Variants in ZMYM5 observed in about 807,000 individuals in gnomAD.
ZMYM5 encodes zinc finger MYM-type protein 5.
In ZMYM5, 41 loss-of-function variants were observed where a neutral mutation model predicts 61.8. The ratio of observed to expected loss-of-function variants is 0.66; its 90% CI spans 0.52 to 0.86. The LOEUF is 0.86. Among genes scored for constraint, ZMYM5 ranks in the 40% least tolerant of loss-of-function variants. The pLI is 0.00. For missense variants in ZMYM5, 706 were observed against 786.7 expected, an observed-to-expected ratio of 0.90 and a Z score of 1.23; for synonymous variants, 257 against 276.4, an observed-to-expected ratio of 0.93 and a Z score of 0.70.
chr13:19,844,378 C>T (rs1362221246), intron 4 of ZMYM5, among the ~76,000 whole-genome samples: 1 of 152,206 alleles, frequency 6.6e-6, no homozygotes, highest in Non-Finnish European at 1.5e-5. Context: ...AAGTCTTTGA[C>T]ACCTTCATTG....
Position 19,837,821 on chromosome 13 carries a change from T to C in ZMYM5, c.873A>G (p.Lys291=), listed in dbSNP as rs1249732457. ...CATTAGCCTTCTTTGTAGATGCATC[T>C]CTGAAACAGAAGGGATAGACACATA... ...TQNTRSIICK[K]DASTKKANVI... is the part of the protein sequence containing the mutation. Residue 291 remains lysine (K), a splice_region_variant and synonymous_variant, in exon 6 of 8, where the codon AAA becomes AAG. Transcript: ENST00000337963. The C allele has an allele frequency of 1.3e-6, 2 of 1,585,802 alleles. No homozygotes were observed. The highest frequency in any genetic ancestry group is 1.4e-5 in the African/African-American group (1 of 72,956).
At chr13:19,860,119 A>AAC (rs1161035744) in intron 2 of ZMYM5, among the ~76,000 whole-genome samples, 1 of 148,516 alleles carries the variant, frequency 6.7e-6, no homozygotes, top group Non-Finnish European at 1.5e-5. Flanking sequence ...AAAAAAAAAA[A>AAC]AAAAAGAGGA....
chr13:19,857,099 C>T (rs1056470366), intron 2 of ZMYM5, among the ~76,000 whole-genome samples: 1 of 152,206 alleles, frequency 6.6e-6, no homozygotes, highest in Admixed American at 6.5e-5. Context: ...GAGCGAGACT[C>T]CGTCTCAAAA....
In ZMYM5 at chr13:19,824,430, A is replaced by T; in HGVS notation, c.*47T>A. 1 of 1,256,764 alleles carries T rather than the reference A, an allele frequency of 8.0e-7. No individual in the cohort carries two copies. Among genetic ancestry groups the T allele is most frequent in the Non-Finnish European group, 1.0e-6 (1 of 976,444 alleles). 77.9% of individuals were successfully genotyped at this position (1,256,764 alleles called of 1,614,324 possible). ...ACTATTGCAGGACAGATGTTTTCTGAGTAATGTAAGATTCTGATCATCATG... is the reference window on the plus strand; with the variant it reads ...ACTATTGCAGGACAGATGTTTTCTGTGTAATGTAAGATTCTGATCATCATG... On this transcript the variant is annotated 3_prime_UTR_variant, in exon 8 of 8. Coordinates refer to ENST00000337963, the MANE Select transcript of ZMYM5 (RefSeq NM_001142684.2).
At chr13:19,843,044 G>A (rs1952936379) in intron 4 of ZMYM5, among the ~76,000 whole-genome samples, 1 of 151,102 alleles carries the variant, frequency 6.6e-6, no homozygotes, top group African/African-American at 2.4e-5. Context: ...TCAAATTTCT[G>A]GGATCAAGCA....
At chr13:19,830,807 G>A (rs1414434655) in intron 7 of ZMYM5, among the ~76,000 whole-genome samples, 2 of 150,428 alleles carry the variant, frequency 1.3e-5, no homozygotes, top group East Asian at 3.9e-4. Flanking sequence ...CACCTCGCCC[G>A]GCCTTTGCCA....
chr13:19,856,333 C>T (rs1447277643), intron 2 of ZMYM5, among the ~76,000 whole-genome samples: 1 of 152,026 alleles, frequency 6.6e-6, no homozygotes, highest in Non-Finnish European at 1.5e-5. Flanking sequence ...TGGTCCATAT[C>T]AGAGAGTGCA....
chr13:19,835,920 T>C (rs1159661589), intron 6 of ZMYM5, among the ~76,000 whole-genome samples: 1 of 152,064 alleles, frequency 6.6e-6, no homozygotes, highest in Non-Finnish European at 1.5e-5. Context: ...GCCTCCCATG[T>C]TCAAGCGATT....
rs2138463286 is a variant in ZMYM5, at chr13:19,823,759, C to G, written c.*718G>C. 6.6e-6 allele frequency: 1 copy of G among 152,278 alleles called. No homozygotes were observed. Among genetic ancestry groups the G allele is most frequent in the East Asian group, 1.9e-4 (1 of 5,192 alleles). 9.4% of individuals were successfully genotyped at this position (152,278 alleles called of 1,614,324 possible). A position where few individuals can be genotyped will look rare whatever the true frequency, so the allele number is the denominator to read the frequency against. Reference sequence around the variant, plus strand: ...TACTTTAATAATAATGTTGAGAATGCTTGTTCACATAAGTATCTTATTCAA... The same window carrying G: ...TACTTTAATAATAATGTTGAGAATGGTTGTTCACATAAGTATCTTATTCAA... On this transcript the variant is annotated 3_prime_UTR_variant, in exon 8 of 8. Transcript: ENST00000337963.
rs202019162 is a variant in ZMYM5 at position 19,851,392 on chromosome 13, T to C, written c.549A>G (p.Leu183=). The change falls in exon 4 of 8, where the codon TTA becomes TTG. Residue 183 remains leucine (L), a synonymous_variant. Coordinates refer to ENST00000337963, the MANE Select transcript of ZMYM5 (RefSeq NM_001142684.2). Reference sequence around the variant, plus strand: ...GAGTTGCAAATTCTCCATTCTGAAATAAGTCTCCTGCCACATTCATTCTAC... The same window carrying C: ...GAGTTGCAAATTCTCCATTCTGAAACAAGTCTCCTGCCACATTCATTCTAC... ...NPGRMNVAGD[L]FQNGEFATHH... 21 of 1,614,018 alleles carry C rather than the reference T, an allele frequency of 1.3e-5. No individual in the cohort carries two copies. Among genetic ancestry groups the C allele is most frequent in the Non-Finnish European group, 1.5e-5 (18 of 1,180,036 alleles).
chr13:19,860,263 T>C (rs1953684517), intron 2 of ZMYM5, among the ~76,000 whole-genome samples: 1 of 150,406 alleles, frequency 6.6e-6, no homozygotes, highest in African/African-American at 2.4e-5. Flanking sequence ...GTAGTTGGAA[T>C]GACAGGCACC....
At chr13:19,840,428 C>CAGTG (rs1952827139) in intron 4 of ZMYM5, among the ~76,000 whole-genome samples, 1 of 152,196 alleles carries the variant, frequency 6.6e-6, no homozygotes, top group African/African-American at 2.4e-5. Flanking sequence ...GTCTGAAGTG[C>CAGTG]AGTGGCATGA....
At chr13:19,830,444 G>A (rs551711754) in intron 7 of ZMYM5, among the ~76,000 whole-genome samples, 2 of 152,114 alleles carry the variant, frequency 1.3e-5, no homozygotes, top group African/African-American at 2.4e-5. Flanking sequence ...ACGTGATCTC[G>A]GCTCACTGCA....
intron 4 of ZMYM5, among the ~76,000 whole-genome samples, chr13:19,850,471 C>T (rs947083313): frequency 2.6e-5 from 4 of 151,880 alleles, no homozygotes; most frequent in Non-Finnish European, 4.4e-5. Flanking sequence ...TGGAGACGGG[C>T]GTGCTTGTAA....
At chr13:19,850,445 C>CA (rs1254766327) in intron 4 of ZMYM5, among the ~76,000 whole-genome samples, 1 of 151,844 alleles carries the variant, frequency 6.6e-6, no homozygotes, top group Admixed American at 6.6e-5. Flanking sequence ...ACTAAAAAGA[C>CA]AAAATTAGCC....
intron 6 of ZMYM5, 65 bp from the exon 7 acceptor site, chr13:19,835,754 G>T: frequency 7.6e-6 from 9 of 1,179,890 alleles, no homozygotes; most frequent in Non-Finnish European, 1.0e-5. Context: ...CAAGCAATGA[G>T]ATAACTAGTT....
intron 4 of ZMYM5, among the ~76,000 whole-genome samples, chr13:19,844,919 C>T (rs147891668): frequency 8.5e-5 from 13 of 152,284 alleles, no homozygotes; most frequent in African/African-American, 2.6e-4. Context: ...CATCGCACCC[C>T]GCTGAAACTC....
intron 7 of ZMYM5, among the ~76,000 whole-genome samples, chr13:19,833,320 C>G (rs1952582472): frequency 6.6e-6 from 1 of 152,006 alleles, no homozygotes; most frequent in Non-Finnish European, 1.5e-5. Flanking sequence ...TTTGTGTATG[C>G]AATGAAAAGG....
chr13:19,847,114 A>G (rs1418746003), intron 4 of ZMYM5, among the ~76,000 whole-genome samples: 1 of 151,728 alleles, frequency 6.6e-6, no homozygotes, highest in African/African-American at 2.4e-5. Context: ...CACCCAGCTA[A>G]TTTTTTGCAT....
Sources: allele counts gnomAD v4.1 joint callset (sites outside exome capture counted in the v4.1 genomes callset), GRCh38; gene constraint gnomAD v4.1.1; transcripts MANE v1.5; gene names NCBI Gene and HGNC (gene_info 2026-07-23, HGNC 2026-07-21).